The following KIAA1549L variants were observed in gnomAD, a reference collection of about 807,000 sequenced individuals.
KIAA1549L encodes KIAA1549 like.
A neutral mutation model predicts 160.7 loss-of-function variants in KIAA1549L; 88 were observed. The observed-to-expected ratio is 0.55, with a 90% CI of 0.46 to 0.65. The LOEUF (loss-of-function observed/expected upper bound fraction) is 0.65. Ranked by LOEUF, KIAA1549L falls within the 30% of genes least tolerant of loss-of-function variation. KIAA1549L has a pLI of 0.00. For missense variants in KIAA1549L, 2,258 were observed against 2,437.5 expected, an observed-to-expected ratio of 0.93 and a Z score of 1.55; for synonymous variants, 950 against 976.7, an observed-to-expected ratio of 0.97 and a Z score of 0.51.
intron 1 of KIAA1549L, among the ~76,000 whole-genome samples, chr11:33,521,862 A>G (rs1302585291): frequency 1.3e-5 from 2 of 152,218 alleles, no homozygotes; most frequent in African/African-American, 4.8e-5. Flanking sequence ...ATAAAGGAAA[A>G]TCCCATACTG....
At chr11:33,518,267 G>A (rs1202968213) in intron 1 of KIAA1549L, among the ~76,000 whole-genome samples, 1 of 150,756 alleles carries the variant, frequency 6.6e-6, no homozygotes, top group African/African-American at 2.4e-5. Flanking sequence ...TGCTAAATTA[G>A]CAAGTTCTTG....
chr11:33,464,098 A>C (rs1401345846), intron 1 of KIAA1549L, among the ~76,000 whole-genome samples: 9 of 152,222 alleles, frequency 5.9e-5, no homozygotes, highest in Admixed American at 5.9e-4. Context: ...CCTTTTCACA[A>C]GTGAGGAAAC....
At chr11:33,662,338 A>G (rs1191998870) in intron 20 of KIAA1549L, among the ~76,000 whole-genome samples, 2 of 152,168 alleles carry the variant, frequency 1.3e-5, no homozygotes, top group Admixed American at 1.3e-4. Flanking sequence ...ATTATCTGCA[A>G]ATGAGGCTTA....
chr11:33,609,643 T>C (rs1199079405), intron 14 of KIAA1549L, 106 bp from the exon 15 acceptor site: 14 of 847,990 alleles, frequency 1.7e-5, no homozygotes, highest in Non-Finnish European at 2.7e-5. Flanking sequence ...GGCCCGGAGG[T>C]GATGCCTGTG....
intron 16 of KIAA1549L, among the ~76,000 whole-genome samples, chr11:33,623,452 A>G (rs1319074373): frequency 6.6e-6 from 1 of 152,176 alleles, no homozygotes; most frequent in Non-Finnish European, 1.5e-5. Context: ...AACATGAGCT[A>G]TAATAACCCT....
chr11:33,458,495 T>C (rs1590259900), intron 1 of KIAA1549L, among the ~76,000 whole-genome samples: 1 of 152,212 alleles, frequency 6.6e-6, no homozygotes, highest in Non-Finnish European at 1.5e-5. Flanking sequence ...AGATGGACTT[T>C]AGGTGAAACC....
In KIAA1549L at chr11:33,502,247, A is replaced by C. The variant is rs112797067; in HGVS notation, c.239-39555A>C. Among the ~76,000 whole-genome samples, 203 of 152,324 alleles carry C rather than the reference A, an allele frequency of 1.3e-3. 4 individuals carry two copies. Among genetic ancestry groups the C allele is most frequent in the African/African-American group, 4.6e-3 (190 of 41,574 alleles). On this transcript the variant is annotated intron_variant, in intron 1 of 20. Coordinates refer to ENST00000658780, the MANE Select transcript of KIAA1549L (RefSeq NM_012194.3). ...TGGGTAGAGCTACATCGCATCACTC[A>C]TGAGAAGTCAGCTTTAATCGGGGAT...
Position 33,646,052 on chromosome 11 carries a change from C to T in KIAA1549L, c.5760+16C>T, listed in dbSNP as rs1225037847. On this transcript the variant is annotated intron_variant, in intron 17 of 20. Coordinates refer to ENST00000658780, the MANE Select transcript of KIAA1549L (RefSeq NM_012194.3). ...GCCCCGGCCGGTAAGTCATTCATTCCACCCACCTGCCATCATCTGGTCAGT... is the reference window on the plus strand; with the variant it reads ...GCCCCGGCCGGTAAGTCATTCATTCTACCCACCTGCCATCATCTGGTCAGT... 2 of 1,521,334 alleles carry T rather than the reference C, an allele frequency of 1.3e-6. No individual in the cohort carries two copies. Among genetic ancestry groups the T allele is most frequent in the Admixed American group, 4.0e-5 (2 of 50,478 alleles). The allele number at this position is 1,521,334 out of a possible 1,614,324, so 94.2% of individuals were successfully genotyped here.
intron 1 of KIAA1549L, among the ~76,000 whole-genome samples, chr11:33,407,311 C>G (rs576119271): frequency 1.0e-3 from 153 of 151,444 alleles, no homozygotes; most frequent in Admixed American, 2.2e-3. Flanking sequence ...GTCTCTATCT[C>G]CTGACCTCGT....
At chr11:33,416,650 C>T (rs557227642) in intron 1 of KIAA1549L, among the ~76,000 whole-genome samples, 1 of 152,258 alleles carries the variant, frequency 6.6e-6, no homozygotes, top group East Asian at 1.9e-4. Context: ...ACTTGAGCAT[C>T]TGTGGACTTC....
chr11:33,407,497 C>T (rs947052010), intron 1 of KIAA1549L, among the ~76,000 whole-genome samples: 1 of 152,050 alleles, frequency 6.6e-6, no homozygotes, highest in African/African-American at 2.4e-5. Flanking sequence ...TACAGGCACG[C>T]GCCACCGTGC....
intron 1 of KIAA1549L, among the ~76,000 whole-genome samples, chr11:33,525,157 T>C (rs1853583628): frequency 6.6e-6 from 1 of 152,068 alleles, no homozygotes. Context: ...TACAGGAACA[T>C]ACCAGGAAAA....
intron 17 of KIAA1549L, among the ~76,000 whole-genome samples, chr11:33,651,274 T>G (rs1851876181): frequency 1.3e-5 from 2 of 151,974 alleles, no homozygotes; most frequent in East Asian, 3.9e-4. Context: ...CCATCTCTAC[T>G]AAAAATAGAA....
chr11:33,536,588 G>A (rs1853898823), intron 1 of KIAA1549L, among the ~76,000 whole-genome samples: 1 of 152,180 alleles, frequency 6.6e-6, no homozygotes, highest in African/African-American at 2.4e-5. Context: ...TGCTTTGGAA[G>A]TCACGTGGCA....
intron 17 of KIAA1549L, among the ~76,000 whole-genome samples, chr11:33,650,406 CTT>C (rs1205708920): frequency 1.3e-5 from 2 of 152,294 alleles, no homozygotes; most frequent in South Asian, 4.1e-4. Context: ...AGAAAAGTAA[CTT>C]TATTTTTCTG....
intron 1 of KIAA1549L, among the ~76,000 whole-genome samples, chr11:33,478,101 A>G (rs1026741124): frequency 4.6e-5 from 7 of 152,232 alleles, no homozygotes; most frequent in East Asian, 1.9e-4. Flanking sequence ...TACTTCCCCT[A>G]CAGTAAAAGG....
intron 1 of KIAA1549L, among the ~76,000 whole-genome samples, chr11:33,424,463 TA>T (rs569101503): frequency 6.6e-6 from 1 of 151,856 alleles, no homozygotes; most frequent in Non-Finnish European, 1.5e-5. Context: ...TTCCTAATCT[TA>T]AAAAAAATCT....
chr11:33,551,014 GT>G (rs1384834873), intron 4 of KIAA1549L, 25 bp from the exon 5 acceptor site: 2 of 1,591,500 alleles, frequency 1.3e-6, no homozygotes, highest in Non-Finnish European at 1.7e-6. Context: ...TAAACAATGG[GT>G]TTTGTGGGTC....
intron 1 of KIAA1549L, among the ~76,000 whole-genome samples, chr11:33,476,083 G>C (rs954746033): frequency 1.3e-5 from 2 of 152,228 alleles, no homozygotes; most frequent in Admixed American, 1.3e-4. Flanking sequence ...GCAATAGCCC[G>C]TGGGAGAGAC....
Sources: gnomAD v4.1 joint callset for allele counts (sites outside exome capture counted in the v4.1 genomes callset) on GRCh38, gnomAD v4.1.1 for gene constraint, MANE v1.5 for transcripts, NCBI Gene and HGNC (gene_info 2026-07-23, HGNC 2026-07-21) for gene names.